NPAS2: variants seen among roughly 807,000 people sequenced by gnomAD.
NPAS2 encodes the protein neuronal PAS domain protein 2, also known as neuronal PAS domain-containing protein 2.
A neutral mutation model predicts 107.5 loss-of-function variants in NPAS2; 23 were observed. The observed-to-expected ratio is 0.21, with a 90% CI of 0.15 to 0.30. NPAS2 has a LOEUF of 0.30. Ranked by LOEUF, NPAS2 falls within the 10% of genes least tolerant of loss-of-function variation. The pLI is 1.00. For synonymous variants in NPAS2, 403 were observed against 417.5 expected (o/e 0.97, Z 0.42); for missense variants, 756 against 1,043.3 (o/e 0.72, Z 3.79).
At chr2:100,933,593 A>C (rs1441935483) in intron 4 of NPAS2, among the ~76,000 whole-genome samples, 1 of 152,164 alleles carries the variant, frequency 6.6e-6, no homozygotes, top group Admixed American at 6.5e-5. Flanking sequence ...ATACTCATCT[A>C]CAGGGCCGTA....
chr2:100,961,195 T>A (rs1675896116), intron 7 of NPAS2, among the ~76,000 whole-genome samples: 1 of 152,206 alleles, frequency 6.6e-6, no homozygotes, highest in Non-Finnish European at 1.5e-5. Context: ...TACCTTGGGA[T>A]ACAAAGTGCC....
At chr2:100,957,935 A>T (rs964630683) in intron 7 of NPAS2, among the ~76,000 whole-genome samples, 4 of 152,180 alleles carry the variant, frequency 2.6e-5, no homozygotes, top group African/African-American at 7.2e-5. Context: ...CTCAAAAAAA[A>T]AAGGTCTTTG....
At chr2:100,920,969 G>A (rs142315958) in intron 2 of NPAS2, among the ~76,000 whole-genome samples, 6 of 152,312 alleles carry the variant, frequency 3.9e-5, no homozygotes, top group Non-Finnish European at 7.4e-5. Flanking sequence ...CTTCCCCAAC[G>A]GGGAACACAA....
chr2:100,963,573 T>TTTTG (rs1161680100), intron 7 of NPAS2, among the ~76,000 whole-genome samples: 1 of 151,880 alleles, frequency 6.6e-6, no homozygotes, highest in East Asian at 1.9e-4. Context: ...TAATTTTTGT[T>TTTTG]TTTGTTTGTT....
chr2:100,948,163 TCA>T, intron 5 of NPAS2, 70 bp from the exon 6 acceptor site: 2 of 1,555,214 alleles, frequency 1.3e-6, no homozygotes, highest in South Asian at 2.4e-5. Flanking sequence ...TTGTGAATGT[TCA>T]ATTTTTGTTT....
chr2:100,925,010 G>C (rs751661559), intron 2 of NPAS2, 136 bp from the exon 3 acceptor site: 2 of 870,506 alleles, frequency 2.3e-6, no homozygotes, highest in African/African-American at 3.3e-5. Flanking sequence ...TGTGGCCAGC[G>C]TGACCTTCCT....
At chr2:100,959,464 C>T (rs1057192558) in intron 7 of NPAS2, among the ~76,000 whole-genome samples, 1 of 152,084 alleles carries the variant, frequency 6.6e-6, no homozygotes, top group Non-Finnish European at 1.5e-5. Flanking sequence ...TCCTAGGAAC[C>T]CAGCCACCTG....
intron 1 of NPAS2, among the ~76,000 whole-genome samples, chr2:100,880,540 T>C (rs1680266528): frequency 6.6e-6 from 1 of 152,148 alleles, no homozygotes; most frequent in African/African-American, 2.4e-5. Flanking sequence ...CAAAAGGTTG[T>C]ATAGTCCCTC....
At chr2:100,951,083 G>A (rs1454366442) in intron 7 of NPAS2, among the ~76,000 whole-genome samples, 1 of 152,134 alleles carries the variant, frequency 6.6e-6, no homozygotes, top group African/African-American at 2.4e-5. Context: ...TCAGGAGATG[G>A]GAGGGTAGGA....
intron 1 of NPAS2, among the ~76,000 whole-genome samples, chr2:100,844,569 T>C (rs1677652497): frequency 6.6e-6 from 1 of 152,194 alleles, no homozygotes. Context: ...ATGCATCGAC[T>C]GCAGAGTACA....
chr2:100,985,720 C>A (rs1029947457), intron 16 of NPAS2: 3 of 152,080 alleles, frequency 2.0e-5, no homozygotes, highest in African/African-American at 7.2e-5. Context: ...TATGCATTAA[C>A]TTCATTTAGT....
At chr2:100,819,008 G>A (rs548474037), upstream of NPAS2, among the ~76,000 whole-genome samples, 8 of 152,248 alleles carry the variant, frequency 5.3e-5, no homozygotes, top group South Asian at 1.5e-3. The surrounding 1 kb of genome is among the most constrained non-coding windows in gnomAD (Gnocchi z 5.8). Flanking sequence ...CAGCAGCCCC[G>A]GCACCCGGGG....
In NPAS2 at chr2:100,925,051, C is replaced by G; in HGVS notation, c.33-95C>G. On this transcript the variant is annotated intron_variant, in intron 2 of 20. Coordinates refer to ENST00000335681, the MANE Select transcript of NPAS2 (RefSeq NM_002518.4). Reference sequence around the variant, plus strand: ...AGTTTTTTGATAAGATAGATGATCACAATAGAATGTGCTCTAATAGAAAGT... The same window carrying G: ...AGTTTTTTGATAAGATAGATGATCAGAATAGAATGTGCTCTAATAGAAAGT... 4 of 1,309,644 alleles carry G rather than the reference C, an allele frequency of 3.1e-6. No homozygotes were observed. In the South Asian group the frequency reaches 4.5e-5, roughly 15 times the overall value. The allele number at this position is 1,309,644 out of a possible 1,614,324, so 81.1% of individuals were successfully genotyped here.
intron 1 of NPAS2, chr2:100,847,198 G>T (rs1002980694): frequency 6.6e-6 from 1 of 152,172 alleles, no homozygotes; most frequent in Non-Finnish European, 1.5e-5. Flanking sequence ...AATAAACAGG[G>T]AGGATGATGG....
At chr2:100,943,414 T>G (rs556522022) in intron 5 of NPAS2, among the ~76,000 whole-genome samples, 2 of 152,362 alleles carry the variant, frequency 1.3e-5, no homozygotes, top group Non-Finnish European at 2.9e-5. Flanking sequence ...GAGTAGGCTT[T>G]CTTTCCGCGA....
intron 1 of NPAS2, among the ~76,000 whole-genome samples, chr2:100,878,846 C>T (rs548699027): frequency 6.6e-6 from 1 of 152,226 alleles, no homozygotes; most frequent in African/African-American, 2.4e-5. Flanking sequence ...TGGCCAGGCA[C>T]GGTGGTTCAT....
chr2:100,892,489 C>T (rs546468751), intron 1 of NPAS2, among the ~76,000 whole-genome samples: 2 of 152,242 alleles, frequency 1.3e-5, no homozygotes, highest in East Asian at 3.9e-4. Flanking sequence ...GTCTTGGTTT[C>T]TTCTAGCCAT....
At chr2:100,836,642 G>T (rs931723407) in intron 1 of NPAS2, among the ~76,000 whole-genome samples, 2 of 152,170 alleles carry the variant, frequency 1.3e-5, no homozygotes, top group Admixed American at 6.5e-5. Flanking sequence ...GTCAGGGGTG[G>T]CTCTACCGAG....
intron 3 of NPAS2, among the ~76,000 whole-genome samples, chr2:100,927,796 G>C (rs1287517372): frequency 6.6e-6 from 1 of 152,034 alleles, no homozygotes; most frequent in Non-Finnish European, 1.5e-5. Flanking sequence ...ACTTTTACCT[G>C]TTAGTGTGTG....
Sources: gnomAD v4.1 joint callset for allele counts (sites outside exome capture counted in the v4.1 genomes callset) on GRCh38, gnomAD v4.1.1 for gene constraint, Gnocchi (gnomAD v3.1) non-coding constraint, MANE v1.5 for transcripts, NCBI Gene and HGNC (gene_info 2026-07-23, HGNC 2026-07-21) for gene names.